CTNNA1: variants seen among roughly 807,000 people sequenced by gnomAD.
CTNNA1 encodes the protein catenin alpha 1.
Under a neutral mutation model 98.4 loss-of-function variants are expected in CTNNA1, and 37 were observed. That is an observed-to-expected ratio of 0.38 (90% CI 0.29 to 0.49). CTNNA1 has a LOEUF of 0.49. Ranked by LOEUF, CTNNA1 falls within the 20% of genes least tolerant of loss-of-function variation. The pLI, the probability that CTNNA1 is intolerant of heterozygous loss-of-function variation, is 0.95. For missense variants in CTNNA1, 761 were observed against 1,147.2 expected (o/e 0.66, Z 4.86); for synonymous variants, 404 against 413.2 (o/e 0.98, Z 0.27).
intron 16 of CTNNA1, chr5:138,931,704 A>G (rs1765384112): frequency 1.0e-6 from 1 of 985,176 alleles, no homozygotes. Flanking sequence ...TCCTCTCTCC[A>G]CTTCCTTCTG....
chr5:138,930,481 G>A lies in CTNNA1; in HGVS notation c.2019G>A (p.Met673Ile). 1 of 1,611,884 alleles carries A rather than the reference G, an allele frequency of 6.2e-7. No individual in the cohort carries two copies. Among genetic ancestry groups the A allele is most frequent in the Non-Finnish European group, 8.5e-7 (1 of 1,178,752 alleles). ...TGTGCTTCTGATCACAGGCGATCAT[G>A]GCTCAGCTTCCCCAGGAGCAAAAAG... The part of the protein sequence containing the change: ...LIAGQSARAI[M>I]AQLPQEQKAK... Residue 673 changes from methionine (M) to isoleucine (I), a missense_variant, in exon 15 of 18, where the codon ATG (methionine) becomes ATA (isoleucine). This residue lies in a region of CTNNA1 where 77 missense variants were observed against 198.8 expected (regional missense o/e 0.39). Coordinates refer to ENST00000302763, the MANE Select transcript of CTNNA1 (RefSeq NM_001903.5).
At chr5:138,763,170 C>T (rs1342001105) in intron 1 of CTNNA1, among the ~76,000 whole-genome samples, 1 of 152,030 alleles carries the variant, frequency 6.6e-6, no homozygotes, top group Non-Finnish European at 1.5e-5. Context: ...TACCAAGTTA[C>T]ATAATCCTGT....
At chr5:138,911,540 A>T (rs546972967) in intron 10 of CTNNA1, among the ~76,000 whole-genome samples, 1 of 152,296 alleles carries the variant, frequency 6.6e-6, no homozygotes, top group South Asian at 2.1e-4. Flanking sequence ...CAGTGATGGA[A>T]GCAGAGGCTG....
At chr5:138,774,683 G>A (rs932392562) in intron 1 of CTNNA1, among the ~76,000 whole-genome samples, 1 of 151,836 alleles carries the variant, frequency 6.6e-6, no homozygotes, top group Non-Finnish European at 1.5e-5. Context: ...GTGCAGTGGC[G>A]CGATCTCGGC....
chr5:138,843,794 G>C (rs774927164), intron 7 of CTNNA1, among the ~76,000 whole-genome samples: 25 of 152,138 alleles, frequency 1.6e-4, no homozygotes, highest in Non-Finnish European at 3.4e-4. Context: ...CCGCTTCTAG[G>C]GGCAGTGGCC....
chr5:138,847,480 A>G (rs948695168), intron 7 of CTNNA1, among the ~76,000 whole-genome samples: 3 of 152,102 alleles, frequency 2.0e-5, no homozygotes, highest in African/African-American at 7.2e-5. Flanking sequence ...TTCTTAGTCA[A>G]AGTATTAGTT....
At chr5:138,897,742 C>G (rs1464842945) in intron 9 of CTNNA1, among the ~76,000 whole-genome samples, 2 of 152,136 alleles carry the variant, frequency 1.3e-5, no homozygotes, top group African/African-American at 4.8e-5. Context: ...TTGTTTGAGA[C>G]AAAATTGTCT....
chr5:138,843,914 AAC>A, intron 7 of CTNNA1, among the ~76,000 whole-genome samples: 1 of 152,216 alleles, frequency 6.6e-6, no homozygotes, highest in Non-Finnish European at 1.5e-5. Context: ...GTAGTTACTG[AAC>A]AGTGCAGAAT....
At chr5:138,911,129 T>C (rs1481849965) in intron 10 of CTNNA1, among the ~76,000 whole-genome samples, 4 of 152,138 alleles carry the variant, frequency 2.6e-5, no homozygotes, top group Non-Finnish European at 5.9e-5. Flanking sequence ...CCTGGCTACA[T>C]GGAAGGCCGA....
At chr5:138,794,012 ATTT>A (rs10717660) in intron 3 of CTNNA1, among the ~76,000 whole-genome samples, 15 of 112,242 alleles carry the variant, frequency 1.3e-4, no homozygotes, top group East Asian at 2.7e-4. Context: ...TCCTGGGTTG[ATTT>A]TTTTTTTTTT....
intron 5 of CTNNA1, among the ~76,000 whole-genome samples, chr5:138,815,309 A>G (rs1476371169): frequency 6.6e-6 from 1 of 152,088 alleles, no homozygotes; most frequent in Non-Finnish European, 1.5e-5. Context: ...ATGCTGGATA[A>G]TCTTCTGTTT....
chr5:138,842,474 T>C (rs535551021), intron 7 of CTNNA1, among the ~76,000 whole-genome samples: 34 of 152,358 alleles, frequency 2.2e-4, no homozygotes, highest in African/African-American at 7.2e-4. Flanking sequence ...AAATTGGCCA[T>C]TAATATATAC....
intron 7 of CTNNA1, among the ~76,000 whole-genome samples, chr5:138,878,028 T>C (rs1752041391): frequency 6.6e-6 from 1 of 152,182 alleles, no homozygotes; most frequent in Admixed American, 6.5e-5. Context: ...TAAATACTAA[T>C]AAATGGAGAC....
chr5:138,782,675 G>C (rs1343932022), intron 2 of CTNNA1, among the ~76,000 whole-genome samples: 1 of 152,188 alleles, frequency 6.6e-6, no homozygotes, highest in African/African-American at 2.4e-5. Context: ...CGTCATCACT[G>C]TAGGCTTCTT....
chr5:138,811,125 C>T (rs1289152519), intron 4 of CTNNA1, among the ~76,000 whole-genome samples: 22 of 148,074 alleles, frequency 1.5e-4, no homozygotes, highest in Non-Finnish European at 2.4e-4. Context: ...TCAGATGGGG[C>T]GGCTGCCGGG....
chr5:138,904,495 G>T, intron 10 of CTNNA1, 54 bp downstream of exon 10: 1 of 1,581,644 alleles, frequency 6.3e-7, no homozygotes, highest in Non-Finnish European at 8.6e-7. Context: ...TTTGATTCAA[G>T]TGGAGATGAG....
intron 7 of CTNNA1, among the ~76,000 whole-genome samples, chr5:138,852,540 G>GT (rs1763296985): frequency 6.6e-6 from 1 of 151,876 alleles, no homozygotes; most frequent in Non-Finnish European, 1.5e-5. Flanking sequence ...TTCAGTTACA[G>GT]TTTCTTCCTA....
rs1417132417 is a variant in CTNNA1 at position 138,922,580 on chromosome 5, A to G, written c.1547-1930A>G. The stretch of plus-strand genomic sequence containing the variant: ...ATGTATTGAACAGTTGTTCATGGGT[A>G]CAGATTGTTGTGTCTACTCATAGTG... On this transcript the variant is annotated intron_variant, in intron 11 of 17. Coordinates refer to ENST00000302763, the MANE Select transcript of CTNNA1 (RefSeq NM_001903.5). Among the ~76,000 whole-genome samples the G allele has an allele frequency of 7.2e-5, 11 of 152,220 alleles. No individual in the cohort carries two copies. The South Asian group carries it at 2.3e-3, about 32-fold the overall frequency.
chr5:138,930,933 C>G lies in CTNNA1; in HGVS notation c.2296C>G (p.His766Asp). ...CAAGCTTGGCCGCACCATTGCAGACCATGTAAGTGACAGACTTGCCAGGTG... is the reference window on the plus strand; with the variant it reads ...CAAGCTTGGCCGCACCATTGCAGACGATGTAAGTGACAGACTTGCCAGGTG... ...MDKLGRTIADHCPDSACKQDL... is the reference protein window; with the variant it reads ...MDKLGRTIADDCPDSACKQDL... Residue 766 changes from histidine to aspartate, a missense_variant and splice_region_variant, in exon 16 of 18, where the codon CAT becomes GAT. Physicochemically the swap from His to Asp is moderately conservative, Grantham distance 81. Coordinates refer to ENST00000302763, the MANE Select transcript of CTNNA1 (RefSeq NM_001903.5). 1 of 1,609,678 alleles carries G rather than the reference C, an allele frequency of 6.2e-7. No individual in the cohort carries two copies. Among genetic ancestry groups the G allele is most frequent in the Non-Finnish European group, 8.5e-7 (1 of 1,175,956 alleles).
Sources: allele counts gnomAD v4.1 joint callset (sites outside exome capture counted in the v4.1 genomes callset), GRCh38; gene constraint gnomAD v4.1.1; regional missense constraint gnomAD v4.1.1; transcripts MANE v1.5; gene names NCBI Gene and HGNC (gene_info 2026-07-23, HGNC 2026-07-21).